Variants in RPTOR observed in about 807,000 individuals in gnomAD.
The protein encoded by RPTOR is regulatory associated protein of MTOR complex 1.
A neutral mutation model predicts 169.9 loss-of-function variants in RPTOR; 21 were observed. That is an observed-to-expected ratio of 0.12 (90% CI 0.09 to 0.18). RPTOR has a LOEUF of 0.18. RPTOR is among the 10% of genes least tolerant of loss of function. The pLI, the probability that RPTOR is intolerant of heterozygous loss-of-function variation, is 1.00. For missense variants in RPTOR, 1,133 were observed against 1,855.9 expected (o/e 0.61, Z 7.16); for synonymous variants, 732 against 753.2 (o/e 0.97, Z 0.46).
At chr17:80,638,639 G>T (rs1038211187) in intron 2 of RPTOR, among the ~76,000 whole-genome samples, 1 of 152,054 alleles carries the variant, frequency 6.6e-6, no homozygotes, top group Non-Finnish European at 1.5e-5. Context: ...TTCTCTGCCA[G>T]TTCCATTGGT....
chr17:80,788,761 AAAT>A (rs2067018741), intron 6 of RPTOR, among the ~76,000 whole-genome samples: 1 of 152,246 alleles, frequency 6.6e-6, no homozygotes, highest in African/African-American at 2.4e-5. Flanking sequence ...AATGGTCGCC[AAAT>A]AATAAGCACT....
intron 5 of RPTOR, among the ~76,000 whole-genome samples, chr17:80,749,349 C>T (rs1445722869): frequency 1.9e-5 from 1 of 53,804 alleles, no homozygotes. Context: ...GAGGCCGTGG[C>T]GGGAGGACCT....
At chr17:80,687,784 C>T (rs569339939) in intron 3 of RPTOR, among the ~76,000 whole-genome samples, 261 of 152,310 alleles carry the variant, frequency 1.7e-3, no homozygotes, top group Non-Finnish European at 2.6e-3. Context: ...GTAGCTTCAC[C>T]GTGTAGTGTT....
Position 80,940,522 on chromosome 17 carries a change from T to C in RPTOR, c.2946T>C (p.Ser982=). 6.2e-7 allele frequency: 1 copy of C among 1,613,568 alleles called. No individual in the cohort carries two copies. Among genetic ancestry groups the C allele is most frequent in the Non-Finnish European group, 8.5e-7 (1 of 1,179,864 alleles). The change falls in exon 25 of 34, where the codon AGT becomes AGC. Residue 982 remains serine, a synonymous_variant. Transcript: ENST00000306801. ...MKIPEEHDLE[S]QIRKEREWRF... ...TCCCAGAAGAGCACGACCTGGAGAG[T>C]CAGATCCGCAAGGAGCGGGAGTGGC... is the stretch of plus-strand genomic sequence containing the variant.
intron 21 of RPTOR, among the ~76,000 whole-genome samples, chr17:80,921,413 C>T (rs904034875): frequency 6.6e-6 from 1 of 152,192 alleles, no homozygotes; most frequent in East Asian, 1.9e-4. Context: ...CAGCGGGACC[C>T]GCATTCCCCC....
intron 27 of RPTOR, chr17:80,948,596 G>C (rs1350827235): frequency 6.6e-6 from 1 of 152,514 alleles, no homozygotes; most frequent in Non-Finnish European, 1.5e-5. Flanking sequence ...CAGTAGAAGG[G>C]CTCCAGCTCC....
chr17:80,895,970 C>T (rs2068394021), intron 20 of RPTOR, among the ~76,000 whole-genome samples: 1 of 152,188 alleles, frequency 6.6e-6, no homozygotes, highest in Admixed American at 6.5e-5. Context: ...ATCGAAAATG[C>T]ATCTAATCTA....
chr17:80,760,615 C>T (rs2143367313), intron 6 of RPTOR, among the ~76,000 whole-genome samples: 1 of 152,002 alleles, frequency 6.6e-6, no homozygotes, highest in South Asian at 2.1e-4. Context: ...GTCAAGCTTT[C>T]TTTAAGGAAA....
intron 1 of RPTOR, among the ~76,000 whole-genome samples, chr17:80,607,771 G>C (rs957123287): frequency 2.0e-5 from 3 of 151,980 alleles, no homozygotes; most frequent in Non-Finnish European, 4.4e-5. Context: ...GTACCTGCTC[G>C]TTGTACCACC....
intron 9 of RPTOR, among the ~76,000 whole-genome samples, chr17:80,829,701 T>C (rs2067482718): frequency 6.6e-6 from 1 of 152,128 alleles, no homozygotes; most frequent in Non-Finnish European, 1.5e-5. Context: ...TGTGGCCGAG[T>C]CTCAGGATGC....
rs1376329526 is a variant in RPTOR, at chr17:80,960,497, G to A, written c.3605+292G>A. On this transcript the variant is annotated intron_variant, in intron 30 of 33. Coordinates refer to ENST00000306801, the MANE Select transcript of RPTOR (RefSeq NM_020761.3). This position sits in a 1 kb window ranked among gnomAD's most constrained non-coding sequence, Gnocchi z 4.8. ...AGCCAGTGGACTGGAGGCAGAGGCT[G>A]TCGGGGTGAGGCAGGGCCGCAGCCA... Among the ~76,000 whole-genome samples, 1 of 152,212 alleles carries A rather than the reference G, an allele frequency of 6.6e-6. No homozygotes were observed. Among genetic ancestry groups the A allele is most frequent in the Non-Finnish European group, 1.5e-5 (1 of 68,026 alleles).
At chr17:80,741,396 AT>A (rs1379674862) in intron 5 of RPTOR, among the ~76,000 whole-genome samples, 2 of 152,136 alleles carry the variant, frequency 1.3e-5, no homozygotes, top group Non-Finnish European at 2.9e-5. Flanking sequence ...TGGCAAGGCA[AT>A]TGTTTGCATC....
intron 3 of RPTOR, among the ~76,000 whole-genome samples, chr17:80,670,177 T>C (rs1178117332): frequency 6.6e-6 from 1 of 152,204 alleles, no homozygotes; most frequent in Non-Finnish European, 1.5e-5. Flanking sequence ...CACTGTAAGG[T>C]TTGACCTTAA....
At chr17:80,612,135 G>C (rs184041545) in intron 1 of RPTOR, among the ~76,000 whole-genome samples, 1 of 152,050 alleles carries the variant, frequency 6.6e-6, no homozygotes, top group African/African-American at 2.4e-5. Context: ...TTAAAAATAG[G>C]CATCTTTTTT....
At chr17:80,831,293 G>A (rs934125335) in intron 9 of RPTOR, among the ~76,000 whole-genome samples, 1 of 152,174 alleles carries the variant, frequency 6.6e-6, no homozygotes, top group African/African-American at 2.4e-5. Flanking sequence ...CCCCACGGAG[G>A]CTGAGACGAT....
chr17:80,610,892 T>A (rs2065265565), intron 1 of RPTOR, among the ~76,000 whole-genome samples: 1 of 152,256 alleles, frequency 6.6e-6, no homozygotes, highest in South Asian at 2.1e-4. Flanking sequence ...TGAATATTGT[T>A]GCACGTCTGC....
intron 1 of RPTOR, among the ~76,000 whole-genome samples, chr17:80,548,033 A>G (rs2084298104): frequency 5.3e-5 from 8 of 151,542 alleles, no homozygotes; most frequent in Admixed American, 4.6e-4. Flanking sequence ...CTGTAGTCCA[A>G]CACTGCAGGC....
At chr17:80,813,475 A>C (rs75122694) in intron 7 of RPTOR, among the ~76,000 whole-genome samples, 2,588 of 152,276 alleles carry the variant, frequency 0.017, 107 homozygotes, top group East Asian at 0.12. Context: ...GCGTTCATTG[A>C]GAAGCTGGAT....
At chr17:80,838,984 G>T (rs1365377399) in intron 10 of RPTOR, among the ~76,000 whole-genome samples, 1 of 152,260 alleles carries the variant, frequency 6.6e-6, no homozygotes, top group African/African-American at 2.4e-5. Flanking sequence ...CCCAGAGCCA[G>T]CTGTCACTGA....
Sources: allele counts gnomAD v4.1 joint callset (sites outside exome capture counted in the v4.1 genomes callset), GRCh38; gene constraint gnomAD v4.1.1; non-coding constraint Gnocchi (gnomAD v3.1); transcripts MANE v1.5; gene names NCBI Gene and HGNC (gene_info 2026-07-23, HGNC 2026-07-21).